TAOK1: variants seen among roughly 807,000 people sequenced by gnomAD.
The protein encoded by TAOK1 is TAO kinase 1.
Under a neutral mutation model 138.3 loss-of-function variants are expected in TAOK1, and 21 were observed. That is an observed-to-expected ratio of 0.15 (90% CI 0.11 to 0.22). TAOK1 has a LOEUF of 0.22. TAOK1 is among the 10% of genes least tolerant of loss of function. The pLI, the probability that TAOK1 is intolerant of heterozygous loss-of-function variation, is 1.00. For synonymous variants in TAOK1, 361 were observed against 398.4 expected (o/e 0.91, Z 1.12); for missense variants, 651 against 1,227.7 (o/e 0.53, Z 7.02).
intron 7 of TAOK1, among the ~76,000 whole-genome samples, chr17:29,481,818 G>A (rs1379673056): frequency 1.3e-5 from 2 of 152,048 alleles, no homozygotes; most frequent in Non-Finnish European, 1.5e-5. Context: ...AAATTAGCCA[G>A]GCATGGTGGC....
intron 19 of TAOK1, among the ~76,000 whole-genome samples, chr17:29,539,607 T>A (rs1055362098): frequency 1.1e-4 from 17 of 152,164 alleles, no homozygotes; most frequent in Non-Finnish European, 5.9e-5. Flanking sequence ...CGGCTAATCA[T>A]GTATTTTTAC....
intron 3 of TAOK1, among the ~76,000 whole-genome samples, chr17:29,471,043 T>C (rs1322393153): frequency 6.6e-6 from 1 of 151,738 alleles, no homozygotes; most frequent in Non-Finnish European, 1.5e-5. Context: ...GGATAATCAC[T>C]TGAACCCAGG....
chr17:29,418,617 G>T (rs939389520), intron 1 of TAOK1, among the ~76,000 whole-genome samples: 1 of 152,128 alleles, frequency 6.6e-6, no homozygotes, highest in African/African-American at 2.4e-5. Context: ...TGTAGTATTT[G>T]CATATAACCT....
chr17:29,538,493 C>T (rs2032261714), intron 19 of TAOK1, among the ~76,000 whole-genome samples: 1 of 152,094 alleles, frequency 6.6e-6, no homozygotes. Flanking sequence ...AGGCTGGGGT[C>T]AATTAGCAAT....
intron 1 of TAOK1, among the ~76,000 whole-genome samples, chr17:29,447,751 G>A (rs905648927): frequency 1.3e-5 from 2 of 151,268 alleles, no homozygotes; most frequent in African/African-American, 4.9e-5. Flanking sequence ...CTGCCTCCTG[G>A]GTTCAAGCGA....
chr17:29,464,679 A>T (rs2030614247), intron 2 of TAOK1, among the ~76,000 whole-genome samples: 1 of 152,174 alleles, frequency 6.6e-6, no homozygotes, highest in African/African-American at 2.4e-5. Context: ...TTCATATCTA[A>T]CAAGACTTAT....
At position 29,467,196 on chromosome 17, in the gene TAOK1, A is replaced by G. The variant is rs1175010291; in HGVS notation, c.184A>G (p.Ser62Gly). ...EVVAIKKMSYSGKQSTEKWQD... is the reference protein window; with the variant it reads ...EVVAIKKMSYGGKQSTEKWQD... ...GGTGGCCATCAAGAAAATGTCTTATAGTGGAAAGCAGTCTACTGAGGTAGG... is the reference window on the plus strand; with the variant it reads ...GGTGGCCATCAAGAAAATGTCTTATGGTGGAAAGCAGTCTACTGAGGTAGG... The change falls in exon 3 of 20, where the codon AGT becomes GGT. Residue 62 changes from serine (S) to glycine (G), a missense_variant. Ser to Gly is a moderately conservative substitution (Grantham distance 56, BLOSUM62 0). Coordinates refer to ENST00000261716, the MANE Select transcript of TAOK1 (RefSeq NM_020791.4). 6.2e-7 allele frequency: 1 copy of G among 1,603,964 alleles called. No homozygotes were observed. Among genetic ancestry groups the G allele is most frequent in the East Asian group, 2.2e-5 (1 of 44,694 alleles).
At chr17:29,514,408 T>G (rs1354229363) in intron 15 of TAOK1, 1 of 152,194 alleles carries the variant, frequency 6.6e-6, no homozygotes, top group East Asian at 1.9e-4. Flanking sequence ...TCACCCATGC[T>G]GGAGTGCAGT....
chr17:29,511,033 A>G (rs1398057379), intron 15 of TAOK1, 41 bp downstream of exon 15: 3 of 1,561,346 alleles, frequency 1.9e-6, no homozygotes, highest in African/African-American at 1.4e-5. Flanking sequence ...TTTTCTGCTT[A>G]TTAATTATAT....
At chr17:29,394,659 T>C (rs552173697) in intron 1 of TAOK1, among the ~76,000 whole-genome samples, 1 of 152,338 alleles carries the variant, frequency 6.6e-6, no homozygotes, top group Non-Finnish European at 1.5e-5. Context: ...TCTGTTTTGT[T>C]TTCACTAGTC....
intron 1 of TAOK1, among the ~76,000 whole-genome samples, chr17:29,448,091 G>GT (rs902145874): frequency 1.9e-4 from 27 of 141,378 alleles, no homozygotes; most frequent in African/African-American, 6.6e-4. Context: ...TGTCAAATAT[G>GT]TTTTTTTCTT....
chr17:29,531,390 C>T (rs550527610), intron 18 of TAOK1, among the ~76,000 whole-genome samples: 6 of 151,958 alleles, frequency 3.9e-5, no homozygotes, highest in African/African-American at 4.8e-5. Flanking sequence ...GGGGATTCTC[C>T]GTCCTTGGCC....
At chr17:29,435,236 G>C (rs2153022964) in intron 1 of TAOK1, among the ~76,000 whole-genome samples, 1 of 152,202 alleles carries the variant, frequency 6.6e-6, no homozygotes. Flanking sequence ...GAACAAGCAG[G>C]GTTAGTCTAA....
chr17:29,531,799 G>T (rs371176617), intron 18 of TAOK1, among the ~76,000 whole-genome samples: 7 of 150,534 alleles, frequency 4.7e-5, no homozygotes, highest in Admixed American at 2.6e-4. Context: ...GACTTTTTAG[G>T]CAGGAGGCAA....
chr17:29,551,867 A>T lies in TAOK1; in HGVS notation c.*8845A>T, dbSNP rs562687872. The T allele has an allele frequency of 7.9e-5, 12 of 152,728 alleles. No individual in the cohort carries two copies. Among genetic ancestry groups the T allele is most frequent in the East Asian group, 7.7e-4 (4 of 5,188 alleles). 9.5% of individuals were successfully genotyped at this position (152,728 alleles called of 1,614,324 possible). ...TTGTATCATAGCAAAGGAAATGTTT[A>T]AAAAAATCAACTGTAATAAAGTAAT... On this transcript the variant is annotated 3_prime_UTR_variant, in exon 20 of 20. Coordinates refer to ENST00000261716, the MANE Select transcript of TAOK1 (RefSeq NM_020791.4).
intron 15 of TAOK1, chr17:29,511,705 GC>G (rs1372115717): frequency 6.6e-6 from 1 of 151,808 alleles, no homozygotes; most frequent in African/African-American, 2.4e-5. Context: ...ACCACTCCTG[GC>G]TGATTTTTAA....
chr17:29,550,089 G>T lies in TAOK1; in HGVS notation c.*7067G>T, dbSNP rs992495811. 3 of 152,158 alleles carry T rather than the reference G, an allele frequency of 2.0e-5. No homozygotes were observed. The highest frequency in any genetic ancestry group is 7.2e-5 in the African/African-American group (3 of 41,446). 9.4% of individuals were successfully genotyped at this position (152,158 alleles called of 1,614,324 possible). A position where few individuals can be genotyped will look rare whatever the true frequency, so the allele number is the denominator to read the frequency against. ...ATGAGCCTATTAGGAGCTGCAGGTG[G>T]TTTCATAGGGTAAAATCCAAGAAAA... is the stretch of plus-strand genomic sequence containing the variant. On this transcript the variant is annotated 3_prime_UTR_variant, in exon 20 of 20. Transcript: ENST00000261716.
At chr17:29,542,098 C>T in intron 19 of TAOK1, among the ~76,000 whole-genome samples, 1 of 152,046 alleles carries the variant, frequency 6.6e-6, no homozygotes, top group East Asian at 1.9e-4. Context: ...AGGATGGTCT[C>T]GATCTCCTGA....
chr17:29,509,920 G>GT (rs2031691602), intron 14 of TAOK1, among the ~76,000 whole-genome samples: 1 of 150,596 alleles, frequency 6.6e-6, no homozygotes, highest in Non-Finnish European at 1.5e-5. Flanking sequence ...CACTCGCCCT[G>GT]TTACCCAGCT....
Sources: gnomAD v4.1 joint callset for allele counts (sites outside exome capture counted in the v4.1 genomes callset) on GRCh38, gnomAD v4.1.1 for gene constraint, MANE v1.5 for transcripts, NCBI Gene and HGNC (gene_info 2026-07-23, HGNC 2026-07-21) for gene names.